NCKAP5: variants seen among roughly 807,000 people sequenced by gnomAD.
NCKAP5 encodes the protein NCK associated protein 5, also known as nck-associated protein 5.
NCKAP5 carries 92 observed loss-of-function variants against 167.0 expected under a neutral mutation model. The observed-to-expected ratio is 0.55, with a 90% CI of 0.47 to 0.66. The LOEUF (loss-of-function observed/expected upper bound fraction) is 0.66, where lower values mean the gene tolerates loss of function less well. NCKAP5 is among the 30% of genes least tolerant of loss of function. NCKAP5 has a pLI of 0.00. For synonymous variants in NCKAP5, 891 were observed against 877.4 expected (o/e 1.02, Z -0.27); for missense variants, 2,378 against 2,315.0 (o/e 1.03, Z -0.56).
intron 11 of NCKAP5, among the ~76,000 whole-genome samples, chr2:132,854,937 A>G (rs2105505236): frequency 6.6e-6 from 1 of 152,268 alleles, no homozygotes; most frequent in Non-Finnish European, 1.5e-5. Context: ...GCTTGGCTGA[A>G]GTAAAGAATT....
intron 12 of NCKAP5, 77 bp downstream of exon 12, chr2:132,796,551 T>A (rs555077066): frequency 1.0e-6 from 1 of 970,404 alleles, no homozygotes; most frequent in Non-Finnish European, 1.6e-6. Context: ...CACTTTATGG[T>A]TCGCTTGTGA....
At chr2:133,541,085 T>G (rs780751177) in intron 2 of NCKAP5, among the ~76,000 whole-genome samples, 1 of 150,974 alleles carries the variant, frequency 6.6e-6, no homozygotes, top group Non-Finnish European at 1.5e-5. Flanking sequence ...TTTATATATA[T>G]AGACATTAAA....
intron 3 of NCKAP5, among the ~76,000 whole-genome samples, chr2:133,322,992 C>T (rs557926085): frequency 2.0e-5 from 3 of 152,274 alleles, no homozygotes; most frequent in African/African-American, 7.2e-5. Context: ...TCTTTAGGGC[C>T]TCTAGGATTT....
rs142909840 is a variant in NCKAP5, at chr2:133,508,086, G to A, written c.69+9372C>T. Among the ~76,000 whole-genome samples, 251 of 152,290 alleles carry A rather than the reference G, an allele frequency of 1.6e-3. 1 individual carries two copies. Among genetic ancestry groups the A allele is most frequent in the African/African-American group, 5.7e-3 (237 of 41,546 alleles). On this transcript the variant is annotated intron_variant, in intron 3 of 19. Coordinates refer to ENST00000409261, the MANE Select transcript of NCKAP5 (RefSeq NM_207363.3). ...AATTAGGGGTAAGAGAATGTTAATA[G>A]AGGAGTCAGGAGGGGTGGTCAGAGG...
intron 4 of NCKAP5, among the ~76,000 whole-genome samples, chr2:133,227,341 G>A (rs2086940493): frequency 6.6e-6 from 1 of 152,150 alleles, no homozygotes; most frequent in Non-Finnish European, 1.5e-5. Context: ...TAAGTCTACT[G>A]CTATGCCCAG....
chr2:133,620,164 T>C, the NCKAP5 span, among the ~76,000 whole-genome samples: 1 of 100,754 alleles, frequency 9.9e-6, no homozygotes, highest in African/African-American at 3.8e-5. Flanking sequence ...AGGACCTATA[T>C]AACAATAACA....
chr2:132,824,971 A>G (rs772095741), intron 11 of NCKAP5, among the ~76,000 whole-genome samples: 20 of 152,214 alleles, frequency 1.3e-4, no homozygotes, highest in Non-Finnish European at 2.2e-4. Context: ...ATCCTATTCT[A>G]ACTGATTCAG....
intron 9 of NCKAP5, among the ~76,000 whole-genome samples, chr2:132,875,180 G>A (rs1410766368): frequency 6.6e-6 from 1 of 152,132 alleles, no homozygotes; most frequent in Non-Finnish European, 1.5e-5. Context: ...CTCCACCCAA[G>A]AGCAGAGTCA....
chr2:133,035,864 A>T (rs1024365035), intron 6 of NCKAP5, among the ~76,000 whole-genome samples: 4 of 151,912 alleles, frequency 2.6e-5, no homozygotes, highest in African/African-American at 9.6e-5. Context: ...TTGAAAGAAA[A>T]ATGCAAAGTA....
intron 6 of NCKAP5, among the ~76,000 whole-genome samples, chr2:133,003,997 A>G (rs1410812717): frequency 6.6e-6 from 1 of 152,192 alleles, no homozygotes; most frequent in Non-Finnish European, 1.5e-5. Flanking sequence ...CGTTTTGCAC[A>G]TGGAGTAGAA....
At chr2:133,312,532 T>G (rs1304592665) in intron 3 of NCKAP5, among the ~76,000 whole-genome samples, 1 of 152,026 alleles carries the variant, frequency 6.6e-6, no homozygotes, top group Admixed American at 6.6e-5. Flanking sequence ...TTGTGCAATA[T>G]CCAGGAAATC....
chr2:133,161,679 A>G (rs891844782), intron 5 of NCKAP5, among the ~76,000 whole-genome samples: 1 of 152,192 alleles, frequency 6.6e-6, no homozygotes. Flanking sequence ...CCAGCCCATG[A>G]ATTTCTCATG....
At chr2:132,878,809 A>G in intron 9 of NCKAP5, 39 bp downstream of exon 9, 1 of 1,472,924 alleles carries the variant, frequency 6.8e-7, no homozygotes, top group Non-Finnish European at 9.5e-7. Context: ...AATCCCAACT[A>G]GTCCAGCCTT....
chr2:133,577,464 T>C, the NCKAP5 span, among the ~76,000 whole-genome samples: 1 of 152,184 alleles, frequency 6.6e-6, no homozygotes, highest in Admixed American at 6.5e-5. Context: ...TACCATTATT[T>C]CCCTGTTCTC....
chr2:133,627,823 C>T, the NCKAP5 span, among the ~76,000 whole-genome samples: 1 of 152,208 alleles, frequency 6.6e-6, no homozygotes, highest in Non-Finnish European at 1.5e-5. Context: ...GATCATTCCT[C>T]CCTGTCTACA....
chr2:133,448,620 A>C (rs985788784), intron 3 of NCKAP5, among the ~76,000 whole-genome samples: 1 of 152,168 alleles, frequency 6.6e-6, no homozygotes, highest in Non-Finnish European at 1.5e-5. Flanking sequence ...AAGAAAGTCT[A>C]CTGACAAAAG....
At chr2:132,976,358 T>G (rs1228029254) in intron 7 of NCKAP5, among the ~76,000 whole-genome samples, 2 of 150,838 alleles carry the variant, frequency 1.3e-5, no homozygotes, top group Non-Finnish European at 3.0e-5. Context: ...AGGTCAGGAG[T>G]TCAAGACCAG....
chr2:133,636,943 C>T, the NCKAP5 span, among the ~76,000 whole-genome samples: 1 of 152,086 alleles, frequency 6.6e-6, no homozygotes, highest in African/African-American at 2.4e-5. Context: ...TCAGCTTCAC[C>T]TCTGGTTAGG....
At chr2:133,029,589 C>T (rs572925605) in intron 6 of NCKAP5, among the ~76,000 whole-genome samples, 1 of 152,302 alleles carries the variant, frequency 6.6e-6, no homozygotes, top group Admixed American at 6.5e-5. Context: ...ATCTAGGGTG[C>T]TATGATCGGA....
Sources: gnomAD v4.1 joint callset for allele counts (sites outside exome capture counted in the v4.1 genomes callset) on GRCh38, gnomAD v4.1.1 for gene constraint, MANE v1.5 for transcripts, NCBI Gene and HGNC (gene_info 2026-07-23, HGNC 2026-07-21) for gene names.